HECTD4: variants seen among roughly 807,000 people sequenced by gnomAD.
HECTD4 encodes the protein probable E3 ubiquitin-protein ligase HECTD4.
In HECTD4, 114 loss-of-function variants were observed where a neutral mutation model predicts 471.5. The observed-to-expected ratio is 0.24, with a 90% confidence interval of 0.21 to 0.28. The LOEUF (loss-of-function observed/expected upper bound fraction) is 0.28, where lower values mean the gene tolerates loss of function less well. Among genes scored for constraint, HECTD4 ranks in the 10% least tolerant of loss-of-function variants. The pLI is 1.00. For missense variants in HECTD4, 3,866 were observed against 5,651.5 expected (o/e 0.68, Z 10.13); for synonymous variants, 2,012 against 2,256.0 (o/e 0.89, Z 3.07).
At chr12:112,291,837 A>C (rs935274150) in intron 7 of HECTD4, among the ~76,000 whole-genome samples, 5 of 152,120 alleles carry the variant, frequency 3.3e-5, no homozygotes, top group Admixed American at 6.5e-5. Context: ...GCGCCACTGC[A>C]CTCCAGCCTG....
chr12:112,302,152 C>G (rs1262651553), intron 7 of HECTD4: 1 of 1,061,458 alleles, frequency 9.4e-7, no homozygotes, highest in Non-Finnish European at 1.4e-6. Flanking sequence ...TTTTACAACA[C>G]AGGGCAGGCA....
At position 112,183,264 on chromosome 12, in the gene HECTD4, T is replaced by G; in HGVS notation, c.10782A>C (p.Ile3594=). ...RPIKGFAVVE[I]RSRAKIEKIR... ...TTTTCTCAATTTTGGCTCGGGATCTTATCTGTGTGAACAGAGAACAGGGTC... is the reference window on the plus strand; with the variant it reads ...TTTTCTCAATTTTGGCTCGGGATCTGATCTGTGTGAACAGAGAACAGGGTC... Residue 3594 remains isoleucine (I), a splice_region_variant and synonymous_variant, in exon 62 of 76, where the codon ATA becomes ATC. Transcript: ENST00000682272. The G allele has an allele frequency of 6.2e-7, 1 of 1,612,650 alleles. No individual in the cohort carries two copies. Among genetic ancestry groups the G allele is most frequent in the Non-Finnish European group, 8.5e-7 (1 of 1,179,210 alleles).
intron 1 of HECTD4, chr12:112,321,885 G>T (rs2035591295): frequency 6.6e-6 from 1 of 151,406 alleles, no homozygotes; most frequent in African/African-American, 2.4e-5. Flanking sequence ...CTTATAATTA[G>T]ACAACAAGTA....
chr12:112,252,795 C>G (rs2033921162), intron 22 of HECTD4, among the ~76,000 whole-genome samples: 1 of 151,126 alleles, frequency 6.6e-6, no homozygotes, highest in South Asian at 2.1e-4. Context: ...AAAGGTTAAT[C>G]AAATCTTGAA....
chr12:112,243,628 C>T lies in HECTD4; in HGVS notation c.4783G>A (p.Asp1595Asn), dbSNP rs745634298. 1 of 1,610,922 alleles carries T rather than the reference C, an allele frequency of 6.2e-7. No homozygotes were observed. The highest frequency in any genetic ancestry group is 8.5e-7 in the Non-Finnish European group (1 of 1,178,370). The change falls in exon 31 of 76, where the codon GAC becomes AAC. Residue 1595 changes from aspartate to asparagine, a missense_variant. Transcript: ENST00000682272. The surrounding 1 kb of genome is among the most constrained non-coding windows in gnomAD (Gnocchi z 6.6). ...CGCAAAATGTGACGTACAGCTTGGT[C>T]AGGGTTGGTGCCGATGAAAGCAAAC... The part of the protein sequence containing the change: ...QLFAFIGTNP[D>N]QAVSSSSFLL...
Position 112,162,656 on chromosome 12 carries a change from G to C in HECTD4, c.13121-133C>G. ...GCCAATCCTGGGGCCCAGCAGGAGG[G>C]GGATGAGGGCCTGGGAACCTGCGAG... On this transcript the variant is annotated intron_variant, in intron 75 of 75. Coordinates refer to ENST00000682272, the MANE Select transcript of HECTD4 (RefSeq NM_001388303.1). This position sits in a 1 kb window ranked among gnomAD's most constrained non-coding sequence, Gnocchi z 5.2. 9.6e-7 allele frequency: 1 copy of C among 1,045,284 alleles called. No homozygotes were observed. Among genetic ancestry groups the C allele is most frequent in the East Asian group, 2.6e-5 (1 of 38,980 alleles). 64.8% of individuals were successfully genotyped at this position (1,045,284 alleles called of 1,614,324 possible). A position where few individuals can be genotyped will look rare whatever the true frequency, so the allele number is the denominator to read the frequency against.
intron 2 of HECTD4, among the ~76,000 whole-genome samples, chr12:112,317,899 T>C (rs1238169564): frequency 7.6e-6 from 1 of 130,970 alleles, no homozygotes; most frequent in Non-Finnish European, 1.5e-5. Flanking sequence ...AGGATCACAG[T>C]GAGCTGAGAT....
Position 112,228,227 on chromosome 12 carries a change from T to C in HECTD4, c.6716A>G (p.Glu2239Gly), listed in dbSNP as rs575174697. ...GGACTGGACTGCCTGTACTACCTTC[T>C]CAGTAATGGACAGTTTATGAAGAGG... ...ALPLHKLSIT[E>G]KVVQAVQSML... The change falls in exon 43 of 76, where the codon GAG (glutamate) becomes GGG (glycine). Residue 2239 changes from glutamate (E) to glycine (G), a missense_variant. Around this residue, in one of 16 missense-constraint regions of HECTD4, gnomAD observed 617 missense variants for 915.1 expected, o/e 0.67. Transcript: ENST00000682272. The surrounding 1 kb of genome is among the most constrained non-coding windows in gnomAD (Gnocchi z 4.9). The C allele has an allele frequency of 3.4e-5, 55 of 1,611,926 alleles. No homozygotes were observed. The highest frequency in any genetic ancestry group is 4.5e-5 in the Non-Finnish European group (53 of 1,179,192).
intron 1 of HECTD4, among the ~76,000 whole-genome samples, chr12:112,341,393 CTGTT>C (rs1202584748): frequency 6.6e-6 from 1 of 152,188 alleles, no homozygotes; most frequent in Non-Finnish European, 1.5e-5. Flanking sequence ...TGGTTTGTAA[CTGTT>C]TGGCTGAATG....
At chr12:112,178,279 T>C (rs2031533260) in intron 64 of HECTD4, among the ~76,000 whole-genome samples, 1 of 152,224 alleles carries the variant, frequency 6.6e-6, no homozygotes, top group African/African-American at 2.4e-5. Context: ...TGTTTTGCCA[T>C]GTTGCCCAGG....
chr12:112,185,091 G>C lies in HECTD4; in HGVS notation c.9875C>G (p.Ser3292Cys). The C allele has an allele frequency of 6.4e-7, 1 of 1,574,484 alleles. No homozygotes were observed. The highest frequency in any genetic ancestry group is 8.6e-7 in the Non-Finnish European group (1 of 1,159,530). Residue 3292 changes from serine to cysteine, a missense_variant, in exon 61 of 76, where the codon TCC (serine) becomes TGC (cysteine). Physicochemically the swap from Ser to Cys is moderately radical, Grantham distance 112. Around this residue, in one of 16 missense-constraint regions of HECTD4, gnomAD observed 38 missense variants for 72.1 expected, o/e 0.53. Coordinates refer to ENST00000682272, the MANE Select transcript of HECTD4 (RefSeq NM_001388303.1). ...TCCTGGGGAGGACGAGGAGGAGGAG[G>C]ACGAGTCACTGAGATTTGGGGCGGT... ...SATAPNLSDS[S>C]SSSSSSPGQT...
Position 112,382,259 on chromosome 12 carries a change from C to T in HECTD4, c.-131G>A, listed in dbSNP as rs2036909799. ...AGCGGCGCCCCACTTGCTGCCTCGC[C>T]CGTGCAACTCCGCCCTAGGCGGTCC... is the stretch of plus-strand genomic sequence containing the variant. On this transcript the variant is annotated 5_prime_UTR_variant, in exon 1 of 76. Transcript: ENST00000682272. The T allele has an allele frequency of 1.4e-5, 10 of 727,940 alleles. No individual in the cohort carries two copies. Among genetic ancestry groups the T allele is most frequent in the Non-Finnish European group, 1.9e-5 (10 of 538,918 alleles). The allele number at this position is 727,940 out of a possible 1,614,324, so 45.1% of individuals were successfully genotyped here. A position where few individuals can be genotyped will look rare whatever the true frequency, so the allele number is the denominator to read the frequency against.
chr12:112,268,868 GTTT>G lies in HECTD4; in HGVS notation c.2321+833_2321+835del, dbSNP rs561805261. On this transcript the variant is annotated intron_variant, in intron 13 of 75. Transcript: ENST00000682272. ...AAATTCTGCTCTCTTGTCTGAAAAGGTTTTTTTTTTTTTTTTTTTTTTTTGAGG... is the reference window on the plus strand; with the variant it reads ...AAATTCTGCTCTCTTGTCTGAAAAGGTTTTTTTTTTTTTTTTTTTTTGAGG... Among the ~76,000 whole-genome samples, 16 of 65,842 alleles carry G rather than the reference GTTT, an allele frequency of 2.4e-4. No homozygotes were observed. In the East Asian group the frequency reaches 5.1e-3, roughly 21 times the overall value. 43.2% of individuals were successfully genotyped at this position (65,842 alleles called of 152,430 possible). A position where few individuals can be genotyped will look rare whatever the true frequency, so the allele number is the denominator to read the frequency against.
rs568477027 is a variant in HECTD4, at chr12:112,309,760, G to A, written c.917-91C>T. On this transcript the variant is annotated intron_variant, in intron 4 of 75. Coordinates refer to ENST00000682272, the MANE Select transcript of HECTD4 (RefSeq NM_001388303.1). ...TTTCTAATGAAAAAGCCATTAGGAG[G>A]TTGAGTGAAAGATTACTTCTCACTT... 6 of 605,198 alleles carry A rather than the reference G, an allele frequency of 9.9e-6. No homozygotes were observed. In the African/African-American group the frequency reaches 1.1e-4, roughly 11 times the overall value. The allele number at this position is 605,198 out of a possible 1,614,324, so 37.5% of individuals were successfully genotyped here.
At chr12:112,346,090 G>T (rs2036143808) in intron 1 of HECTD4, among the ~76,000 whole-genome samples, 1 of 152,226 alleles carries the variant, frequency 6.6e-6, no homozygotes, top group Admixed American at 6.5e-5. Context: ...AGGTAGCTAA[G>T]GAGTGCGACT....
At chr12:112,175,048 T>G (rs78345358) in intron 66 of HECTD4, among the ~76,000 whole-genome samples, 2,335 of 152,322 alleles carry the variant, frequency 0.015, 69 homozygotes, top group African/African-American at 0.053. Context: ...GTGGCCTAGC[T>G]GTGCCCCTGC....
At chr12:112,241,565 G>A (rs188585730) in intron 32 of HECTD4, among the ~76,000 whole-genome samples, 11 of 152,106 alleles carry the variant, frequency 7.2e-5, no homozygotes, top group Non-Finnish European at 1.6e-4. Context: ...GGCCTCAAGC[G>A]ATCTTCCTGC....
At chr12:112,365,780 T>G (rs1024613129) in intron 1 of HECTD4, among the ~76,000 whole-genome samples, 15 of 148,650 alleles carry the variant, frequency 1.0e-4, no homozygotes, top group East Asian at 3.9e-4. Flanking sequence ...TTGTTTTTTT[T>G]TTTTTTTTTG....
intron 1 of HECTD4, among the ~76,000 whole-genome samples, chr12:112,341,042 A>G (rs965573270): frequency 1.3e-5 from 2 of 152,212 alleles, no homozygotes; most frequent in African/African-American, 4.8e-5. Flanking sequence ...TCTTTTTCGA[A>G]TTAACTCTAA....
Sources: allele counts gnomAD v4.1 joint callset (sites outside exome capture counted in the v4.1 genomes callset), GRCh38; gene constraint gnomAD v4.1.1; regional missense constraint gnomAD v4.1.1; non-coding constraint Gnocchi (gnomAD v3.1); transcripts MANE v1.5; gene names NCBI Gene and HGNC (gene_info 2026-07-23, HGNC 2026-07-21).